Variants in FDFT1 observed in about 807,000 individuals in gnomAD.
FDFT1 encodes farnesyl-diphosphate farnesyltransferase 1.
FDFT1 carries 68 observed loss-of-function variants against 46.8 expected under a neutral mutation model. The ratio of observed to expected loss-of-function variants is 1.45; its 90% CI spans 1.19 to 1.78. FDFT1 has a LOEUF of 1.78. Ranked by LOEUF, FDFT1 falls within the 40% of genes most tolerant of loss-of-function variation. The probability of loss-of-function intolerance (pLI) is 0.00; values close to 1 mark genes in which losing one functional copy is unlikely to be tolerated. For synonymous variants in FDFT1, 351 were observed against 185.1 expected (o/e 1.90, Z -7.28); for missense variants, 928 against 524.4 (o/e 1.77, Z -7.52).
At chr8:11,829,315 C>G (rs139938184) in intron 5 of FDFT1, among the ~76,000 whole-genome samples, 3 of 152,142 alleles carry the variant, frequency 2.0e-5, no homozygotes, top group Non-Finnish European at 2.9e-5. Context: ...CCAGAACTTT[C>G]GCTAGCTTCA....
chr8:11,809,426 TG>T lies in FDFT1; in HGVS notation c.198-238del, dbSNP rs78109959. 299 of 1,246,292 alleles carry T rather than the reference TG, an allele frequency of 2.4e-4. 1 individual carries two copies. In the East Asian group the frequency reaches 9.5e-3, roughly 40 times the overall value. 77.2% of individuals were successfully genotyped at this position (1,246,292 alleles called of 1,614,324 possible). A position where few individuals can be genotyped will look rare whatever the true frequency, so the allele number is the denominator to read the frequency against. On this transcript the variant is annotated intron_variant, in intron 2 of 7. Coordinates refer to ENST00000220584, the MANE Select transcript of FDFT1 (RefSeq NM_004462.5). The stretch of plus-strand genomic sequence containing the variant: ...ACATTGGTTAAATGCAACTCACTTC[TG>T]GGAGTAGTGGTGACATTCAACTAGT...
In FDFT1 at chr8:11,809,393, A is replaced by G. The variant is rs1303330206; in HGVS notation, c.198-274A>G. The G allele has an allele frequency of 5.1e-6, 6 of 1,184,726 alleles. No individual in the cohort carries two copies. The South Asian group carries it at 1.1e-4, about 22-fold the overall frequency. 73.4% of individuals were successfully genotyped at this position (1,184,726 alleles called of 1,614,324 possible). ...CTAAACGTTTGGTCTTCTGGTCTCC[A>G]TAGTTCTACATTGGTTAAATGCAAC... On this transcript the variant is annotated intron_variant, in intron 2 of 7. Coordinates refer to ENST00000220584, the MANE Select transcript of FDFT1 (RefSeq NM_004462.5).
chr8:11,814,629 G>T (rs1398589859), intron 3 of FDFT1, among the ~76,000 whole-genome samples: 1 of 152,048 alleles, frequency 6.6e-6, no homozygotes, highest in Non-Finnish European at 1.5e-5. Flanking sequence ...CAAGATATTT[G>T]GGCAGTAACA....
chr8:11,838,449 C>G lies in FDFT1; in HGVS notation c.1094C>G (p.Thr365Ser), dbSNP rs1376082978. ...SSSKTRQIIS[T>S]IRTQNLPNCQ... is the part of the protein sequence containing the mutation. The stretch of plus-strand genomic sequence containing the variant: ...AGCAAAACAAGGCAGATCATCTCCA[C>G]CATCCGGACGCAGAATCTTCCCAAC... The change falls in exon 8 of 8, where the codon ACC becomes AGC. Residue 365 changes from threonine (T) to serine (S), a missense_variant. Transcript: ENST00000220584. 6.2e-7 allele frequency: 1 copy of G among 1,609,746 alleles called. No individual in the cohort carries two copies. Among genetic ancestry groups the G allele is most frequent in the Admixed American group, 1.7e-5 (1 of 59,446 alleles).
chr8:11,809,486 C>G (rs1427643288), intron 2 of FDFT1, 181 bp from the exon 3 acceptor site: 17 of 1,328,530 alleles, frequency 1.3e-5, no homozygotes, highest in Non-Finnish European at 1.5e-5. Context: ...GTTCATTACT[C>G]TCATGTAAGG....
Position 11,816,265 on chromosome 8 carries a change from C to T in FDFT1, c.382-5485C>T, listed in dbSNP as rs113922301. Among the ~76,000 whole-genome samples the T allele has an allele frequency of 5.4e-4, 83 of 152,302 alleles. 1 individual carries two copies. The highest frequency in any genetic ancestry group is 1.9e-3 in the African/African-American group (80 of 41,570). On this transcript the variant is annotated intron_variant, in intron 3 of 7. Coordinates refer to ENST00000220584, the MANE Select transcript of FDFT1 (RefSeq NM_004462.5). ...TACCAGTACCATGCTGTTTTGGTTA[C>T]TGTAGCCTTGTAGTATAGTTTGAAG...
At chr8:11,802,024 G>A, upstream of FDFT1, 1 of 456,044 alleles carries the variant, frequency 2.2e-6, no homozygotes, top group Non-Finnish European at 4.4e-6. Flanking sequence ...GAGAGATCTA[G>A]GATGAGAGAA....
At chr8:11,802,384 G>A (rs1001711498), upstream of FDFT1, 8 of 455,642 alleles carry the variant, frequency 1.8e-5, no homozygotes, top group African/African-American at 1.6e-4. Context: ...GCGGACCACC[G>A]TTGGGCTCCT....
intron 4 of FDFT1, among the ~76,000 whole-genome samples, chr8:11,825,634 C>T (rs1235066291): frequency 6.7e-6 from 1 of 149,288 alleles, no homozygotes; most frequent in Non-Finnish European, 1.5e-5. Context: ...AGAAAGATTG[C>T]TTGGGTCCAG....
In FDFT1 at chr8:11,831,631, G is replaced by A; in HGVS notation, c.993G>A (p.Met331Ile). ...CCCTGATGATGGATGCCACCAATATGCCAGCTGTCAAAGCCATCATATATC... is the reference window on the plus strand; with the variant it reads ...CCCTGATGATGGATGCCACCAATATACCAGCTGTCAAAGCCATCATATATC... ...AVTLMMDATN[M>I]PAVKAIIYQY... is the part of the protein sequence containing the mutation. Residue 331 changes from methionine to isoleucine, a missense_variant, in exon 7 of 8, where the codon ATG (methionine) becomes ATA (isoleucine). Physicochemically the swap from Met to Ile is conservative, Grantham distance 10. Transcript: ENST00000220584. 2 of 1,614,020 alleles carry A rather than the reference G, an allele frequency of 1.2e-6. No individual in the cohort carries two copies. The highest frequency in any genetic ancestry group is 2.7e-5 in the African/African-American group (2 of 75,034).
intron 4 of FDFT1, among the ~76,000 whole-genome samples, chr8:11,823,134 T>C (rs1322108898): frequency 1.3e-5 from 2 of 152,084 alleles, no homozygotes; most frequent in Non-Finnish European, 2.9e-5. Context: ...TTGTACATTT[T>C]TTGTAGAGAG....
chr8:11,808,709 G>GTCCCACTCCCAC (rs71711801), intron 1 of FDFT1, 85 bp from the exon 2 acceptor site: 21,537 of 1,515,024 alleles, frequency 0.014, 321 homozygotes, highest in Admixed American at 0.076. Flanking sequence ...GCCTGCCCCA[G>GTCCCACTCCCAC]TCCCACTCCC....
intron 3 of FDFT1, chr8:11,810,053 T>C: frequency 1.9e-6 from 1 of 534,350 alleles, no homozygotes; most frequent in South Asian, 2.7e-5. Context: ...TACTAAACTG[T>C]TGGTTACTTA....
At chr8:11,830,442 G>A (rs1585990908) in intron 6 of FDFT1, 22 bp downstream of exon 6, 3 of 1,569,714 alleles carry the variant, frequency 1.9e-6, no homozygotes, top group Middle Eastern at 2.1e-4. Flanking sequence ...GGCTCCTCTG[G>A]GTGGATACGG....
intron 4 of FDFT1, among the ~76,000 whole-genome samples, chr8:11,823,579 G>T (rs998890146): frequency 1.3e-5 from 2 of 151,418 alleles, no homozygotes; most frequent in Non-Finnish European, 2.9e-5. Flanking sequence ...AGTCAGAGAC[G>T]ACTTTTTTTT....
chr8:11,817,948 A>G (rs1808689039), intron 3 of FDFT1, among the ~76,000 whole-genome samples: 1 of 151,280 alleles, frequency 6.6e-6, no homozygotes, highest in Admixed American at 6.6e-5. Flanking sequence ...TTTAATTGTG[A>G]TGTTAAGGTG....
At chr8:11,807,153 A>G (rs575048198) in intron 1 of FDFT1, among the ~76,000 whole-genome samples, 2 of 152,082 alleles carry the variant, frequency 1.3e-5, no homozygotes, top group African/African-American at 4.8e-5. Context: ...CCTATTGGAT[A>G]TTTGTTTTTT....
At chr8:11,805,836 A>G (rs926970416) in intron 1 of FDFT1, among the ~76,000 whole-genome samples, 5 of 152,214 alleles carry the variant, frequency 3.3e-5, no homozygotes, top group Admixed American at 6.5e-5. Flanking sequence ...TAAAAATGCT[A>G]AATTCTGCCC....
intron 2 of FDFT1, chr8:11,809,398 T>C: frequency 8.3e-7 from 1 of 1,207,588 alleles, no homozygotes; most frequent in Non-Finnish European, 1.0e-6. Flanking sequence ...TCTCCATAGT[T>C]CTACATTGGT....
Sources: allele counts gnomAD v4.1 joint callset (sites outside exome capture counted in the v4.1 genomes callset), GRCh38; gene constraint gnomAD v4.1.1; transcripts MANE v1.5; gene names NCBI Gene and HGNC (gene_info 2026-07-23, HGNC 2026-07-21).